The following CACNA1H variants were observed in gnomAD, a reference collection of about 807,000 sequenced individuals.
CACNA1H encodes calcium voltage-gated channel subunit alpha1 H.
CACNA1H carries 149 observed loss-of-function variants against 192.5 expected under a neutral mutation model. That is an observed-to-expected ratio of 0.77 (90% confidence interval 0.68 to 0.89). The LOEUF is 0.89. Among genes scored for constraint, CACNA1H ranks in the 40% least tolerant of loss-of-function variants. The pLI is 0.00. For missense variants in CACNA1H, 4,257 were observed against 3,423.5 expected, an observed-to-expected ratio of 1.24 and a Z score of -6.08; for synonymous variants, 2,202 against 1,475.2, an observed-to-expected ratio of 1.49 and a Z score of -11.29.
chr16:1,159,256 G>T (rs553217773), intron 2 of CACNA1H, among the ~76,000 whole-genome samples: 81 of 152,328 alleles, frequency 5.3e-4, no homozygotes, highest in African/African-American at 1.8e-3. Flanking sequence ...GGGGCCCCTC[G>T]GACGGTGGGG....
At chr16:1,197,606 G>A (rs3794621) in intron 5 of CACNA1H, among the ~76,000 whole-genome samples, 63,963 of 152,082 alleles carry the variant, frequency 0.42, 14,133 homozygotes, top group African/African-American at 0.49. Context: ...TGACCTCTGG[G>A]TCATCTGTGA....
At chr16:1,182,110 G>A (rs899744500) in intron 2 of CACNA1H, among the ~76,000 whole-genome samples, 10 of 152,176 alleles carry the variant, frequency 6.6e-5, no homozygotes, top group Admixed American at 1.3e-4. Flanking sequence ...GTGTTTCCCC[G>A]GGCTGTGGCA....
rs1970212322 is a variant in CACNA1H, at chr16:1,218,457, G to A, written c.5693G>A (p.Arg1898Lys). ...PGSARRVDAD[R>K]PPLPQESPGA... ...AGTGCACGCCGGGTGGACGCGGACA[G>A]GCCTCCCTTGCCCCAGGAGAGTCCG... Residue 1898 changes from arginine to lysine, a missense_variant, in exon 33 of 35, where the codon AGG becomes AAG. Arg to Lys is a conservative substitution (Grantham distance 26, BLOSUM62 2). Coordinates refer to ENST00000348261, the MANE Select transcript of CACNA1H (RefSeq NM_021098.3). The A allele has an allele frequency of 6.4e-7, 1 of 1,551,456 alleles. No individual in the cohort carries two copies. Among genetic ancestry groups the A allele is most frequent in the African/African-American group, 1.4e-5 (1 of 73,106 alleles).
intron 2 of CACNA1H, 55 bp from the exon 3 acceptor site, chr16:1,194,917 C>G (rs1966853866): frequency 3.0e-6 from 4 of 1,322,346 alleles, no homozygotes; most frequent in Non-Finnish European, 4.4e-6. Flanking sequence ...TTTGGAGGGC[C>G]CCATGGGAGC....
Position 1,200,303 on chromosome 16 carries a change from G to C in CACNA1H, c.851G>C (p.Gly284Ala). 1 of 1,606,728 alleles carries C rather than the reference G, an allele frequency of 6.2e-7. No individual in the cohort carries two copies. Among genetic ancestry groups the C allele is most frequent in the South Asian group, 1.1e-5 (1 of 90,018 alleles). ...FLRPYYQTEE[G>A]EENPFICSSR... The stretch of plus-strand genomic sequence containing the variant: ...CGGCCGTACTACCAGACGGAGGAGG[G>C]CGAGGAGAACCCGTTCATCTGCTCC... The change falls in exon 7 of 35, where the codon GGC becomes GCC. Residue 284 changes from glycine (G) to alanine (A), a missense_variant. Gly to Ala is a moderately conservative substitution (Grantham distance 60). Coordinates refer to ENST00000348261, the MANE Select transcript of CACNA1H (RefSeq NM_021098.3).
chr16:1,165,829 G>A (rs1451422118), intron 2 of CACNA1H, among the ~76,000 whole-genome samples: 1 of 152,232 alleles, frequency 6.6e-6, no homozygotes, highest in African/African-American at 2.4e-5. Flanking sequence ...TTCTCCCCAG[G>A]AGGTTTGGGG....
chr16:1,218,860 G>T, intron 33 of CACNA1H, 110 bp from the exon 34 acceptor site: 2 of 1,298,278 alleles, frequency 1.5e-6, no homozygotes, highest in Non-Finnish European at 2.1e-6. Context: ...GGTCGGGCTG[G>T]GGCTGGCCAG....
In CACNA1H at chr16:1,220,316, C is replaced by G; in HGVS notation, c.6384C>G (p.Gly2128=). 6.4e-7 allele frequency: 1 copy of G among 1,558,154 alleles called. No homozygotes were observed. The highest frequency in any genetic ancestry group is 8.6e-7 in the Non-Finnish European group (1 of 1,159,822). The change falls in exon 35 of 35, where the codon GGC becomes GGG. Residue 2128 remains glycine (G), a synonymous_variant. Transcript: ENST00000348261. ...CCGAAGCCTCTCCGGTGGCCGGCGG[C>G]GAGCGGGACCTGCGCAGGCTCTACA... The part of the protein sequence containing the change: ...HGPEASPVAG[G]ERDLRRLYSV...
rs369917102 is a variant in CACNA1H, at chr16:1,220,129, G to C, written c.6197G>C (p.Ser2066Thr). Residue 2066 changes from serine to threonine, a missense_variant, in exon 35 of 35, where the codon AGC becomes ACC. Coordinates refer to ENST00000348261, the MANE Select transcript of CACNA1H (RefSeq NM_021098.3). ...CCACCACGCTCCCCACGGCCCGCCA[G>C]CGTCCGCACTCGTAAGCATACCTTC... ...QSPPRSPRPA[S>T]VRTRKHTFGQ... The C allele has an allele frequency of 4.7e-5, 70 of 1,494,416 alleles. No individual in the cohort carries two copies. The highest frequency in any genetic ancestry group is 6.1e-5 in the Non-Finnish European group (68 of 1,123,608). 92.6% of individuals were successfully genotyped at this position (1,494,416 alleles called of 1,614,324 possible). A position where few individuals can be genotyped will look rare whatever the true frequency, so the allele number is the denominator to read the frequency against.
intron 28 of CACNA1H, 39 bp from the exon 29 acceptor site, chr16:1,215,203 G>GGT (rs747101257): frequency 6.3e-7 from 1 of 1,587,688 alleles, no homozygotes. Flanking sequence ...AGCCGAGGCG[G>GGT]GGACCCCAGA....
At chr16:1,208,960 G>C in intron 16 of CACNA1H, 72 bp from the exon 17 acceptor site, 1 of 1,360,920 alleles carries the variant, frequency 7.3e-7, no homozygotes, top group Non-Finnish European at 9.5e-7. Flanking sequence ...TGCACACAGT[G>C]GGTGCTCCGT....
intron 16 of CACNA1H, among the ~76,000 whole-genome samples, chr16:1,208,445 C>T (rs940388019): frequency 4.6e-5 from 7 of 152,262 alleles, no homozygotes; most frequent in Non-Finnish European, 1.5e-5. Flanking sequence ...TCTGTGCGCC[C>T]AACAGTCTAG....
rs560028203 is a variant in CACNA1H, at chr16:1,180,865, C to T, written c.300-14107C>T. On this transcript the variant is annotated intron_variant, in intron 2 of 34. Coordinates refer to ENST00000348261, the MANE Select transcript of CACNA1H (RefSeq NM_021098.3). The surrounding 1 kb of genome is among the most constrained non-coding windows in gnomAD (Gnocchi z 4.4). ...TCCCCGGGCCAGCACCCGACCTGGC[C>T]GCCAGCGTGCTGAGGACAGACCTGC... is the stretch of plus-strand genomic sequence containing the variant. Among the ~76,000 whole-genome samples the T allele has an allele frequency of 5.5e-3, 834 of 152,292 alleles. 7 individuals carry two copies. The highest frequency in any genetic ancestry group is 0.018 in the African/African-American group (731 of 41,560).
chr16:1,170,058 T>C (rs1186070698), intron 2 of CACNA1H, among the ~76,000 whole-genome samples: 1 of 152,106 alleles, frequency 6.6e-6, no homozygotes, highest in Non-Finnish European at 1.5e-5. Flanking sequence ...TGAGCCCCCC[T>C]CCCCCGCTCG....
intron 5 of CACNA1H, 130 bp downstream of exon 5, chr16:1,196,153 C>T (rs1272813752): frequency 8.5e-6 from 6 of 709,164 alleles, no homozygotes; most frequent in Non-Finnish European, 1.4e-5. Context: ...CCGGCCCCAG[C>T]CCAGACCCCA....
At chr16:1,165,880 G>T (rs1425209305) in intron 2 of CACNA1H, among the ~76,000 whole-genome samples, 1 of 152,202 alleles carries the variant, frequency 6.6e-6, no homozygotes. Context: ...AGAGGGGTGG[G>T]TCCTCTGGCC....
chr16:1,205,997 A>G, intron 11 of CACNA1H, 107 bp from the exon 12 acceptor site: 6 of 1,062,278 alleles, frequency 5.6e-6, no homozygotes, highest in African/African-American at 1.6e-5. Flanking sequence ...TGTGGGATGC[A>G]GCACAGGCCG....
intron 2 of CACNA1H, among the ~76,000 whole-genome samples, chr16:1,175,077 A>G (rs994820438): frequency 2.0e-5 from 3 of 152,128 alleles, no homozygotes; most frequent in Non-Finnish European, 4.4e-5. Context: ...GCACAGGTCA[A>G]CTTCCACAGG....
At chr16:1,198,918 C>G (rs1322380379) in intron 6 of CACNA1H, 144 bp downstream of exon 6, 2 of 750,010 alleles carry the variant, frequency 2.7e-6, no homozygotes, top group Middle Eastern at 3.9e-4. Context: ...CGTCATGGCT[C>G]CGTCCACCAT....
Sources: allele counts gnomAD v4.1 joint callset (sites outside exome capture counted in the v4.1 genomes callset), GRCh38; gene constraint gnomAD v4.1.1; non-coding constraint Gnocchi (gnomAD v3.1); transcripts MANE v1.5; gene names NCBI Gene and HGNC (gene_info 2026-07-23, HGNC 2026-07-21).